UBE2U: variants seen among roughly 807,000 people sequenced by gnomAD.
UBE2U encodes the protein ubiquitin conjugating enzyme E2 U, also known as ubiquitin-conjugating enzyme E2 U.
In UBE2U, 39 loss-of-function variants were observed where a neutral mutation model predicts 41.2. That is an observed-to-expected ratio of 0.95 (90% CI 0.73 to 1.24). The LOEUF (loss-of-function observed/expected upper bound fraction) is 1.24, where lower values mean the gene tolerates loss of function less well. Among genes scored for constraint, UBE2U ranks in the 50% most tolerant of loss-of-function variants. UBE2U has a pLI of 0.00. For missense variants in UBE2U, 336 were observed against 363.1 expected (o/e 0.93, Z 0.61); for synonymous variants, 107 against 117.8 (o/e 0.91, Z 0.60).
chr1:64,232,624 A>G lies in UBE2U; in HGVS notation c.570A>G (p.Lys190=). 1 of 1,613,582 alleles carries G rather than the reference A, an allele frequency of 6.2e-7. No individual in the cohort carries two copies. The change falls in exon 7 of 10, where the codon AAA becomes AAG. Residue 190 remains lysine (K), a synonymous_variant. Coordinates refer to ENST00000371077, the MANE Select transcript of UBE2U (RefSeq NM_001366232.2). ...CATGGTCCAGAATAGCTACATCAAA[A>G]GCCACAGAATACTACAGAACTCCAT... ...YQTWSRIATS[K]ATEYYRTPLL... is the part of the protein sequence containing the mutation.
At chr1:64,251,551 TCAA>T (rs1645011496) in intron 8 of UBE2U, among the ~76,000 whole-genome samples, 1 of 152,086 alleles carries the variant, frequency 6.6e-6, no homozygotes, top group Non-Finnish European at 1.5e-5. Context: ...GGCAATCAGT[TCAA>T]CCCATGGAGA....
chr1:64,252,169 C>G (rs973472071), intron 8 of UBE2U, among the ~76,000 whole-genome samples: 10 of 152,182 alleles, frequency 6.6e-5, no homozygotes, highest in African/African-American at 2.4e-4. Flanking sequence ...AGCGAGATCC[C>G]AGTCCATTCC....
intron 5 of UBE2U, among the ~76,000 whole-genome samples, chr1:64,216,211 G>A (rs972014428): frequency 6.6e-6 from 1 of 152,088 alleles, no homozygotes; most frequent in East Asian, 1.9e-4. Flanking sequence ...TTTATTCTAC[G>A]ACAAAGTTCT....
In UBE2U at chr1:64,214,811, A is replaced by T. The variant is rs541116935; in HGVS notation, c.340-4A>T. 1.9e-6 allele frequency: 3 copies of T among 1,612,004 alleles called. No individual in the cohort carries two copies. The East Asian group carries it at 6.7e-5, about 36-fold the overall frequency. ...AATTATATGTTGTCTGTGTTTTCCT[A>T]TAGGTTATGCTTTCTAATCCAGTGC... On this transcript the variant is annotated splice_polypyrimidine_tract_variant and splice_region_variant and intron_variant, in intron 4 of 9. Transcript: ENST00000371077.
In UBE2U at chr1:64,251,071, A is replaced by C. The variant is rs75833671; in HGVS notation, c.677+9338A>C. Among the ~76,000 whole-genome samples the C allele has an allele frequency of 1.4e-4, 22 of 152,064 alleles. No individual in the cohort carries two copies. The East Asian group carries it at 4.0e-3, about 28-fold the overall frequency. ...TAAAACTTAAAGTATAATAAAAAATAAATAAATCAATAAATAGGGAATCCT... is the reference window on the plus strand; with the variant it reads ...TAAAACTTAAAGTATAATAAAAAATCAATAAATCAATAAATAGGGAATCCT... On this transcript the variant is annotated intron_variant, in intron 8 of 9. Transcript: ENST00000371077.
At chr1:64,261,650 T>C (rs1048805565) in intron 9 of UBE2U, among the ~76,000 whole-genome samples, 1 of 152,186 alleles carries the variant, frequency 6.6e-6, no homozygotes, top group Non-Finnish European at 1.5e-5. Flanking sequence ...GCCTTCTCCA[T>C]TCAACTCTCC....
chr1:64,239,137 A>AAGAGGAAGAGGAAGAGGAAGAG (rs1557730443), intron 7 of UBE2U, among the ~76,000 whole-genome samples: 7 of 28,468 alleles, frequency 2.5e-4, no homozygotes, highest in East Asian at 1.8e-3. Flanking sequence ...AAGAAGAAGA[A>AAGAGGAAGAGGAAGAGGAAGAG]GAAGAAGAAG....
At chr1:64,234,713 T>C (rs1644634602) in intron 7 of UBE2U, among the ~76,000 whole-genome samples, 1 of 152,162 alleles carries the variant, frequency 6.6e-6, no homozygotes, top group Non-Finnish European at 1.5e-5. Context: ...CAGTATAAAA[T>C]ATTGATTATT....
chr1:64,229,012 C>T (rs1452361787), intron 6 of UBE2U, among the ~76,000 whole-genome samples: 1 of 152,034 alleles, frequency 6.6e-6, no homozygotes, highest in Non-Finnish European at 1.5e-5. Flanking sequence ...AGGCACACGC[C>T]ATCATGCTCA....
intron 4 of UBE2U, among the ~76,000 whole-genome samples, chr1:64,212,954 TA>T (rs1651751365): frequency 1.3e-5 from 2 of 152,108 alleles, no homozygotes; most frequent in Admixed American, 1.3e-4. Context: ...AAAACATTAA[TA>T]AAACAAATAT....
At chr1:64,244,033 A>G in intron 8 of UBE2U, 5 of 817,154 alleles carry the variant, frequency 6.1e-6, no homozygotes, top group South Asian at 5.7e-5. Flanking sequence ...ATATATGTAA[A>G]ATGCTTCAAA....
At chr1:64,221,943 C>T (rs895091613) in intron 6 of UBE2U, among the ~76,000 whole-genome samples, 4 of 151,756 alleles carry the variant, frequency 2.6e-5, no homozygotes, top group African/African-American at 4.8e-5. Flanking sequence ...AAAAATTAGC[C>T]GAGCGTGGTG....
chr1:64,232,240 T>C (rs1334974733), intron 6 of UBE2U, among the ~76,000 whole-genome samples: 1 of 152,222 alleles, frequency 6.6e-6, no homozygotes, highest in Non-Finnish European at 1.5e-5. Flanking sequence ...GGTATAACGC[T>C]TTGCTTAGAG....
At chr1:64,239,060 GAA>G in intron 7 of UBE2U, among the ~76,000 whole-genome samples, 3 of 89,878 alleles carry the variant, frequency 3.3e-5, no homozygotes, top group African/African-American at 1.0e-4. Flanking sequence ...AGAAGAAGAA[GAA>G]GAAGAGGAAG....
Position 64,267,312 on chromosome 1 carries a change from T to C in UBE2U, c.*104T>C, listed in dbSNP as rs1645269723. 1 of 950,022 alleles carries C rather than the reference T, an allele frequency of 1.1e-6. No homozygotes were observed. The highest frequency in any genetic ancestry group is 2.1e-5 in the South Asian group (1 of 46,672). The allele number at this position is 950,022 out of a possible 1,614,324, so 58.8% of individuals were successfully genotyped here. On this transcript the variant is annotated 3_prime_UTR_variant, in exon 10 of 10. Transcript: ENST00000371077. ...GAACTTGGATTTCATTTTTTTTAAG[T>C]TGTTCTCACCCACTCACTGCAAGTA...
At chr1:64,233,644 T>C (rs922028570) in intron 7 of UBE2U, among the ~76,000 whole-genome samples, 13 of 152,182 alleles carry the variant, frequency 8.5e-5, no homozygotes, top group African/African-American at 3.1e-4. Context: ...TGTTCAATTA[T>C]ATCAATCTAA....
In UBE2U at chr1:64,255,258, T is replaced by C. The variant is rs1645071878; in HGVS notation, c.678-5345T>C. Among the ~76,000 whole-genome samples the C allele has an allele frequency of 2.0e-5, 3 of 151,958 alleles. No homozygotes were observed. The South Asian group carries it at 6.2e-4, about 32-fold the overall frequency. ...CCCTGAATTGACCAATAATGAGTTC[T>C]GAAATTGAGGCAATAATAGCCTACC... On this transcript the variant is annotated intron_variant, in intron 8 of 9. Transcript: ENST00000371077.
intron 6 of UBE2U, among the ~76,000 whole-genome samples, chr1:64,225,935 C>T (rs1652836648): frequency 6.6e-6 from 1 of 152,222 alleles, no homozygotes; most frequent in African/African-American, 2.4e-5. Flanking sequence ...TACATGCCCA[C>T]AACCAGTTTG....
intron 9 of UBE2U, among the ~76,000 whole-genome samples, chr1:64,264,894 G>A (rs1645232315): frequency 6.6e-6 from 1 of 152,038 alleles, no homozygotes; most frequent in African/African-American, 2.4e-5. Flanking sequence ...AGGTTGCAGT[G>A]AGCTGAAAGC....
Sources: gnomAD v4.1 joint callset for allele counts (sites outside exome capture counted in the v4.1 genomes callset) on GRCh38, gnomAD v4.1.1 for gene constraint, MANE v1.5 for transcripts, NCBI Gene and HGNC (gene_info 2026-07-23, HGNC 2026-07-21) for gene names.